Variants in EYS observed in about 807,000 individuals in gnomAD.
EYS encodes EGF-like photoreceptor maintenance factor.
A neutral mutation model predicts 282.1 loss-of-function variants in EYS; 250 were observed. That is an observed-to-expected ratio of 0.89 (90% confidence interval 0.80 to 0.98). The LOEUF (loss-of-function observed/expected upper bound fraction) is 0.98. Ranked by LOEUF, EYS falls within the 50% of genes least tolerant of loss-of-function variation. The pLI is 0.00. For synonymous variants in EYS, 1,355 were observed against 1,282.9 expected (o/e 1.06, Z -1.20); for missense variants, 4,016 against 3,709.0 (o/e 1.08, Z -2.15).
At chr6:64,632,952 T>A (rs547286291) in intron 22 of EYS, among the ~76,000 whole-genome samples, 162 of 152,330 alleles carry the variant, frequency 1.1e-3, no homozygotes, top group African/African-American at 3.5e-3. Flanking sequence ...ATCTAATTAT[T>A]AAATGTATTT....
chr6:63,955,833 C>T (rs1475003424), intron 35 of EYS, among the ~76,000 whole-genome samples: 3 of 152,316 alleles, frequency 2.0e-5, no homozygotes, highest in Admixed American at 2.0e-4. Context: ...ATTCTTAGTC[C>T]TTTAATACCT....
chr6:65,404,063 A>G (rs1037240515), intron 6 of EYS, among the ~76,000 whole-genome samples: 1 of 152,114 alleles, frequency 6.6e-6, no homozygotes, highest in Non-Finnish European at 1.5e-5. Flanking sequence ...GCTAAAACCA[A>G]GATGTCTGCT....
chr6:64,061,688 TG>T (rs1771176789), intron 33 of EYS, among the ~76,000 whole-genome samples: 1 of 152,200 alleles, frequency 6.6e-6, no homozygotes. Flanking sequence ...TATTAATTTT[TG>T]AAAATAAGTT....
intron 12 of EYS, among the ~76,000 whole-genome samples, chr6:65,210,750 A>C (rs1766154173): frequency 6.6e-6 from 1 of 152,082 alleles, no homozygotes. Flanking sequence ...AATCACTTGT[A>C]GCATGAAGAA....
intron 24 of EYS, among the ~76,000 whole-genome samples, chr6:64,602,203 A>G (rs1360270559): frequency 2.0e-5 from 3 of 152,078 alleles, no homozygotes; most frequent in Non-Finnish European, 4.4e-5. Context: ...CCTGCATTGT[A>G]TTCAGCACAC....
intron 33 of EYS, among the ~76,000 whole-genome samples, chr6:64,010,658 TTCTC>T (rs1177042678): frequency 6.6e-6 from 1 of 152,178 alleles, no homozygotes; most frequent in Non-Finnish European, 1.5e-5. Flanking sequence ...ATGTTTCTTT[TTCTC>T]TCTTTTTGTG....
At chr6:63,895,296 T>A (rs321508) in intron 35 of EYS, among the ~76,000 whole-genome samples, 76,191 of 152,086 alleles carry the variant, frequency 0.5, 20,992 homozygotes, top group Non-Finnish European at 0.61. Context: ...ACTACTATAA[T>A]ATAGTATTAA....
At chr6:64,826,617 T>C (rs1470801525) in intron 19 of EYS, among the ~76,000 whole-genome samples, 1 of 150,776 alleles carries the variant, frequency 6.6e-6, no homozygotes, top group African/African-American at 2.4e-5. Flanking sequence ...CAAAACATTT[T>C]CGTGCATCAA....
chr6:65,385,158 T>C (rs1344761099), intron 7 of EYS, among the ~76,000 whole-genome samples: 1 of 151,900 alleles, frequency 6.6e-6, no homozygotes, highest in Non-Finnish European at 1.5e-5. Context: ...CTTTCTATTA[T>C]AAAATAAATG....
intron 30 of EYS, among the ~76,000 whole-genome samples, chr6:64,288,288 T>G (rs1768572542): frequency 6.6e-6 from 1 of 152,156 alleles, no homozygotes; most frequent in East Asian, 1.9e-4. Flanking sequence ...TATCATATAC[T>G]GGGTGACAGA....
chr6:64,685,338 A>C lies in EYS; in HGVS notation c.3444-59093T>G, dbSNP rs62418027. ...CTCAAATTCTTATTAATGATACAGA[A>C]GTTGTGAATTAAATTATTAACCACT... On this transcript the variant is annotated intron_variant, in intron 22 of 42. Transcript: ENST00000503581. Among the ~76,000 whole-genome samples the C allele has an allele frequency of 2.3e-3, 357 of 152,318 alleles. 1 individual carries two copies. The highest frequency in any genetic ancestry group is 4.4e-3 in the Admixed American group (67 of 15,310).
intron 22 of EYS, among the ~76,000 whole-genome samples, chr6:64,699,839 A>T (rs1770719179): frequency 6.6e-6 from 1 of 152,022 alleles, no homozygotes; most frequent in South Asian, 2.1e-4. Context: ...TCCATAACCC[A>T]TTTTACAAAC....
rs114615403 is a variant in EYS at position 65,165,158 on chromosome 6, A to T, written c.2024-107431T>A. Among the ~76,000 whole-genome samples, 1,205 of 151,410 alleles carry T rather than the reference A, an allele frequency of 8.0e-3. 9 individuals are homozygous for T. The highest frequency in any genetic ancestry group is 0.026 in the African/African-American group (1,089 of 41,428). ...TTTTTCTAACACAGTTCATGCAAGT[A>T]TGTCAAAATACCATAACTCCATTAA... On this transcript the variant is annotated intron_variant, in intron 12 of 42. Coordinates refer to ENST00000503581, the MANE Select transcript of EYS (RefSeq NM_001142800.2).
rs548034495 is a variant in EYS at position 63,958,375 on chromosome 6, A to G, written c.7055+26008T>C. 8.1e-5 allele frequency among the ~76,000 whole-genome samples: 8 copies of G among 98,598 alleles called. 1 individual carries two copies. In the East Asian group the frequency reaches 1.6e-3, roughly 20 times the overall value. 64.7% of individuals were successfully genotyped at this position (98,598 alleles called of 152,430 possible). On this transcript the variant is annotated intron_variant, in intron 35 of 42. Transcript: ENST00000503581. ...CTGGCAATGGAAGAGAATAATGGTCATAGTGGAGGAGGAAGGAGGCCTATG... is the reference window on the plus strand; with the variant it reads ...CTGGCAATGGAAGAGAATAATGGTCGTAGTGGAGGAGGAAGGAGGCCTATG...
At chr6:64,606,222 C>A (rs144901328) in intron 24 of EYS, among the ~76,000 whole-genome samples, 3 of 152,004 alleles carry the variant, frequency 2.0e-5, no homozygotes, top group African/African-American at 7.2e-5. Flanking sequence ...TAAAAAATAA[C>A]ATAACCTCAC....
chr6:65,465,976 ATC>A (rs1764984020), intron 5 of EYS, among the ~76,000 whole-genome samples: 1 of 150,848 alleles, frequency 6.6e-6, no homozygotes, highest in Non-Finnish European at 1.5e-5. Flanking sequence ...GTATCAATCA[ATC>A]AATCAATCAA....
At chr6:64,724,278 T>C (rs1771682515) in intron 22 of EYS, among the ~76,000 whole-genome samples, 1 of 152,208 alleles carries the variant, frequency 6.6e-6, no homozygotes. Context: ...CCTGCCAGCC[T>C]CTCAAAGCAT....
chr6:64,773,970 A>T (rs891368147), intron 22 of EYS, among the ~76,000 whole-genome samples: 5 of 151,874 alleles, frequency 3.3e-5, no homozygotes, highest in Admixed American at 6.6e-5. Flanking sequence ...TTTTGTTGAA[A>T]TTGCTTTTGG....
intron 5 of EYS, among the ~76,000 whole-genome samples, chr6:65,456,941 A>G (rs1302137743): frequency 6.6e-6 from 1 of 152,170 alleles, no homozygotes; most frequent in Non-Finnish European, 1.5e-5. Context: ...ACTGTTGAAG[A>G]CGTTAGTGCT....
Sources: allele counts gnomAD v4.1 joint callset (sites outside exome capture counted in the v4.1 genomes callset), GRCh38; gene constraint gnomAD v4.1.1; transcripts MANE v1.5; gene names NCBI Gene and HGNC (gene_info 2026-07-23, HGNC 2026-07-21).